Variants in ZNF521 observed in about 807,000 individuals in gnomAD.
The protein encoded by ZNF521 is zinc finger protein 521.
In ZNF521, 14 loss-of-function variants were observed where a neutral mutation model predicts 105.5. The ratio of observed to expected loss-of-function variants is 0.13; its 90% CI spans 0.09 to 0.21. The LOEUF is 0.21. Ranked by LOEUF, ZNF521 falls within the 10% of genes least tolerant of loss-of-function variation. ZNF521 has a pLI of 1.00. For synonymous variants in ZNF521, 635 were observed against 606.0 expected (o/e 1.05, Z -0.70); for missense variants, 1,233 against 1,629.7 (o/e 0.76, Z 4.19).
intron 3 of ZNF521, among the ~76,000 whole-genome samples, chr18:25,246,178 A>G (rs546210452): frequency 6.6e-6 from 1 of 152,294 alleles, no homozygotes; most frequent in South Asian, 2.1e-4. Flanking sequence ...TACATATGTA[A>G]CAAACCTGCA....
Position 25,078,941 on chromosome 18 carries a change from C to A in ZNF521, c.3906+10524G>T, listed in dbSNP as rs535849232. Among the ~76,000 whole-genome samples the A allele has an allele frequency of 2.2e-3, 338 of 152,330 alleles. 3 individuals carry two copies. Among genetic ancestry groups the A allele is most frequent in the Admixed American group, 3.9e-3 (60 of 15,300 alleles). On this transcript the variant is annotated intron_variant, in intron 7 of 7. Transcript: ENST00000361524. ...CAGAGTGGGAACAAACCACCTATTT[C>A]TGTGACCCTCTGCCGGCTCTGGGCT...
intron 3 of ZNF521, among the ~76,000 whole-genome samples, chr18:25,260,717 G>A (rs551003084): frequency 2.3e-4 from 35 of 152,108 alleles, no homozygotes; most frequent in African/African-American, 8.0e-4. Flanking sequence ...TGTGTCTTAC[G>A]TATTCTTATT....
At chr18:25,280,031 C>T (rs1470123454) in intron 3 of ZNF521, among the ~76,000 whole-genome samples, 1 of 152,164 alleles carries the variant, frequency 6.6e-6, no homozygotes, top group African/African-American at 2.4e-5. Flanking sequence ...ATGTCCCTGG[C>T]ACTACATTAG....
intron 5 of ZNF521, among the ~76,000 whole-genome samples, chr18:25,123,787 G>A (rs145205583): frequency 4.9e-4 from 75 of 152,316 alleles, no homozygotes; most frequent in Non-Finnish European, 8.5e-4. Context: ...AGTTACTAAT[G>A]GTTTGGGGTT....
Position 25,226,646 on chromosome 18 carries a change from G to A in ZNF521, c.1272C>T (p.His424=), listed in dbSNP as rs115455387. The A allele has an allele frequency of 1.4e-5, 22 of 1,614,202 alleles. No individual in the cohort carries two copies. In the East Asian group the frequency reaches 4.7e-4, roughly 34 times the overall value. ...LFSSLAVLQI[H]LKTMHLDKPE... ...GCTTATCTAAGTGCATAGTTTTCAG[G>A]TGAATCTGCAGAACTGCAAGACTTG... is the stretch of plus-strand genomic sequence containing the variant. The change falls in exon 4 of 8, where the codon CAC becomes CAT. Residue 424 remains histidine (H), a synonymous_variant. Transcript: ENST00000361524. This position sits in a 1 kb window ranked among gnomAD's most constrained non-coding sequence, Gnocchi z 4.1.
chr18:25,276,112 G>A (rs1248086464), intron 3 of ZNF521, among the ~76,000 whole-genome samples: 1 of 152,132 alleles, frequency 6.6e-6, no homozygotes, highest in East Asian at 1.9e-4. Context: ...CTGTGCCTGT[G>A]AGGCTACTCA....
intron 5 of ZNF521, among the ~76,000 whole-genome samples, chr18:25,162,122 C>T (rs1416532226): frequency 6.6e-6 from 1 of 152,182 alleles, no homozygotes; most frequent in African/African-American, 2.4e-5. Context: ...TATTTTCCTT[C>T]CTCTGTATGT....
intron 3 of ZNF521, among the ~76,000 whole-genome samples, chr18:25,273,946 A>G (rs1269630413): frequency 1.3e-5 from 2 of 152,294 alleles, no homozygotes; most frequent in East Asian, 3.9e-4. Flanking sequence ...AAAGGGTCCT[A>G]ACAGTTCAGA....
intron 3 of ZNF521, among the ~76,000 whole-genome samples, chr18:25,313,283 T>G (rs950582248): frequency 6.6e-6 from 1 of 152,044 alleles, no homozygotes; most frequent in Non-Finnish European, 1.5e-5. Context: ...TTAACTAATC[T>G]AATTCATGCA....
chr18:25,189,569 G>A (rs192125760), intron 5 of ZNF521, among the ~76,000 whole-genome samples: 32 of 152,270 alleles, frequency 2.1e-4, no homozygotes, highest in African/African-American at 7.2e-4. Context: ...AGATCTATAA[G>A]GCACCTTGCT....
intron 3 of ZNF521, among the ~76,000 whole-genome samples, chr18:25,282,460 T>A (rs1230601918): frequency 1.3e-5 from 2 of 152,132 alleles, no homozygotes; most frequent in Non-Finnish European, 2.9e-5. Flanking sequence ...GGTGTCAGAA[T>A]AACATAGTTC....
At chr18:25,309,375 T>G (rs983772823) in intron 3 of ZNF521, among the ~76,000 whole-genome samples, 1 of 151,890 alleles carries the variant, frequency 6.6e-6, no homozygotes, top group South Asian at 2.1e-4. Context: ...AATGAACAAA[T>G]CAATGGACTA....
intron 3 of ZNF521, among the ~76,000 whole-genome samples, chr18:25,318,496 A>G (rs912832745): frequency 3.3e-5 from 5 of 152,206 alleles, no homozygotes; most frequent in Non-Finnish European, 5.9e-5. Context: ...TAACAATTAT[A>G]AACAAATATT....
intron 3 of ZNF521, among the ~76,000 whole-genome samples, chr18:25,283,333 T>C (rs1305818506): frequency 6.6e-6 from 1 of 152,238 alleles, no homozygotes; most frequent in Non-Finnish European, 1.5e-5. Flanking sequence ...TGCTCTAAGC[T>C]TAACCCTTGA....
At chr18:25,069,231 G>A (rs981181736) in intron 7 of ZNF521, among the ~76,000 whole-genome samples, 1 of 151,932 alleles carries the variant, frequency 6.6e-6, no homozygotes, top group African/African-American at 2.4e-5. Flanking sequence ...AACTTCTTAT[G>A]CTAGTAAAAT....
chr18:25,342,674 C>T (rs752578625), intron 2 of ZNF521, among the ~76,000 whole-genome samples: 32 of 151,926 alleles, frequency 2.1e-4, no homozygotes, highest in Non-Finnish European at 4.1e-4. Flanking sequence ...GTGATCCGCC[C>T]GCCTCGGCCT....
rs145871783 is a variant in ZNF521, at chr18:25,276,920, C to A, written c.220+45088G>T. The stretch of plus-strand genomic sequence containing the variant: ...ACATCAGGCCAGGGGCAGTGGCTCA[C>A]GCCTATAATCCCAGCACTTTGGGAG... On this transcript the variant is annotated intron_variant, in intron 3 of 7. Transcript: ENST00000361524. Among the ~76,000 whole-genome samples the A allele has an allele frequency of 9.2e-3, 1,404 of 152,298 alleles. 7 individuals carry two copies. Among genetic ancestry groups the A allele is most frequent in the Middle Eastern group, 0.024 (7 of 294 alleles).
At position 25,227,611 on chromosome 18, in the gene ZNF521, C is replaced by T. The variant is rs745862658; in HGVS notation, c.307G>A (p.Glu103Lys). 1 of 1,614,158 alleles carries T rather than the reference C, an allele frequency of 6.2e-7. No homozygotes were observed. Among genetic ancestry groups the T allele is most frequent in the Non-Finnish European group, 8.5e-7 (1 of 1,180,028 alleles). ...SKDQTSPSHG[E>K]GCDFGEEEGG... Reference sequence around the variant, plus strand: ...TCTTCCTCTCCAAAATCGCAACCTTCTCCATGGCTAGGGGAAGTCTGATCC... The same window carrying T: ...TCTTCCTCTCCAAAATCGCAACCTTTTCCATGGCTAGGGGAAGTCTGATCC... The change falls in exon 4 of 8, where the codon GAA becomes AAA. Residue 103 changes from glutamate (E) to lysine (K), a missense_variant. Physicochemically the swap from Glu to Lys is moderately conservative, Grantham distance 56 (BLOSUM62 1). Coordinates refer to ENST00000361524, the MANE Select transcript of ZNF521 (RefSeq NM_015461.3). The surrounding 1 kb of genome is among the most constrained non-coding windows in gnomAD (Gnocchi z 5.7).
chr18:25,219,498 T>C (rs576358131), intron 4 of ZNF521, among the ~76,000 whole-genome samples: 1 of 152,236 alleles, frequency 6.6e-6, no homozygotes, highest in Non-Finnish European at 1.5e-5. Context: ...GCTGTTTATA[T>C]GAGTCCGAAA....
Sources: allele counts gnomAD v4.1 joint callset (sites outside exome capture counted in the v4.1 genomes callset), GRCh38; gene constraint gnomAD v4.1.1; non-coding constraint Gnocchi (gnomAD v3.1); transcripts MANE v1.5; gene names NCBI Gene and HGNC (gene_info 2026-07-23, HGNC 2026-07-21).